The following GDF6 variants were observed in gnomAD, a reference collection of about 807,000 sequenced individuals.
GDF6 encodes the protein growth differentiation factor 6.
In GDF6, 3 loss-of-function variants were observed where a neutral mutation model predicts 32.4. The ratio of observed to expected loss-of-function variants is 0.09; its 90% CI spans 0.04 to 0.24. GDF6 has a LOEUF of 0.24. Among genes scored for constraint, GDF6 ranks in the 10% least tolerant of loss-of-function variants. The probability of loss-of-function intolerance (pLI) is 1.00; values close to 1 mark genes in which losing one functional copy is unlikely to be tolerated. For synonymous variants in GDF6, 296 were observed against 295.3 expected (o/e 1.00, Z -0.03); for missense variants, 589 against 637.9 (o/e 0.92, Z 0.83).
At chr8:96,153,155 C>T (rs1318831896) in intron 1 of GDF6, among the ~76,000 whole-genome samples, 1 of 152,218 alleles carries the variant, frequency 6.6e-6, no homozygotes, top group Non-Finnish European at 1.5e-5. Flanking sequence ...GAGTGCTGCT[C>T]ACCCTATCAG....
In GDF6 at chr8:96,145,430, C is replaced by G; in HGVS notation, c.501G>C (p.Arg167=). The G allele has an allele frequency of 6.3e-7, 1 of 1,593,712 alleles. No homozygotes were observed. The highest frequency in any genetic ancestry group is 1.7e-5 in the Admixed American group (1 of 59,376). Residue 167 remains arginine, a synonymous_variant, in exon 2 of 2, where the codon CGG becomes CGC. Coordinates refer to ENST00000287020, the MANE Select transcript of GDF6 (RefSeq NM_001001557.4). This position sits in a 1 kb window ranked among gnomAD's most constrained non-coding sequence, Gnocchi z 5.6. ...GCGCTGAGGGCGCCTGGCGAAAGAG[C>G]CGCAGCTCCGCGCCCACCAGCTCTT... ...DKEELVGAEL[R]LFRQAPSAPW... is the part of the protein sequence containing the mutation.
In GDF6 at chr8:96,145,663, G is replaced by A; in HGVS notation, c.407-139C>T. ...GTCCAGCTTGCCCGGCCCAGGGCCT[G>A]ACCACCCCGGCTCCCCATCTGGCTG... On this transcript the variant is annotated intron_variant, in intron 1 of 1. Transcript: ENST00000287020. The surrounding 1 kb of genome is among the most constrained non-coding windows in gnomAD (Gnocchi z 5.6). 2 of 978,706 alleles carry A rather than the reference G, an allele frequency of 2.0e-6. No homozygotes were observed. Among genetic ancestry groups the A allele is most frequent in the South Asian group, 2.9e-5 (2 of 69,584 alleles). 60.6% of individuals were successfully genotyped at this position (978,706 alleles called of 1,614,324 possible). A position where few individuals can be genotyped will look rare whatever the true frequency, so the allele number is the denominator to read the frequency against.
chr8:96,160,209 T>C, intron 1 of GDF6, 78 bp downstream of exon 1: 1 of 1,404,166 alleles, frequency 7.1e-7, no homozygotes, highest in Non-Finnish European at 1.0e-6. Context: ...AATTCACAAA[T>C]GTAGCCTCCA....
intron 1 of GDF6, among the ~76,000 whole-genome samples, chr8:96,152,979 G>C (rs749822272): frequency 1.2e-4 from 19 of 152,200 alleles, no homozygotes; most frequent in Non-Finnish European, 2.5e-4. Flanking sequence ...AAATGAATGA[G>C]AGTGGAGAGA....
rs1290049959 is a variant in GDF6, at chr8:96,145,376, G to A, written c.555C>T (p.His185=). The change falls in exon 2 of 2, where the codon CAC becomes CAT. Residue 185 remains histidine (H), a synonymous_variant. Transcript: ENST00000287020. This position sits in a 1 kb window ranked among gnomAD's most constrained non-coding sequence, Gnocchi z 5.6. ...APWGPPAGPL[H]VQLFPCLSPL... ...GCGAAAGGCAAGGGAAGAGCTGCAC[G>A]TGGAGCGGCCCGGCTGGTGGCCCCC... 2 of 1,568,770 alleles carry A rather than the reference G, an allele frequency of 1.3e-6. No individual in the cohort carries two copies. The highest frequency in any genetic ancestry group is 1.8e-5 in the Admixed American group (1 of 55,044).
chr8:96,160,473 C>T lies in GDF6; in HGVS notation c.220G>A (p.Glu74Lys), dbSNP rs1423852021. The T allele has an allele frequency of 6.2e-7, 1 of 1,612,696 alleles. No individual in the cohort carries two copies. Among genetic ancestry groups the T allele is most frequent in the Non-Finnish European group, 8.5e-7 (1 of 1,179,262 alleles). ...GQEPQPRPQD[E>K]PRAQQPRAQE... ...GCCCGGGGCTGCTGAGCCCGGGGTT[C>T]GTCCTGAGGCCGCGGCTGTGGTTCC... The change falls in exon 1 of 2, where the codon GAA becomes AAA. Residue 74 changes from glutamate to lysine, a missense_variant. Glu to Lys is a moderately conservative substitution (Grantham distance 56). This residue lies in a region of GDF6 where 436 missense variants were observed against 411.2 expected (regional missense o/e 1.06). Coordinates refer to ENST00000287020, the MANE Select transcript of GDF6 (RefSeq NM_001001557.4).
chr8:96,156,377 CCTCTCTCTCTCTCT>C (rs10569146), intron 1 of GDF6, among the ~76,000 whole-genome samples: 7 of 140,874 alleles, frequency 5.0e-5, no homozygotes, highest in South Asian at 2.4e-4. Flanking sequence ...TCTCTCTTTC[CCTCTCTCTCTCTCT>C]CTCTCTCTCT....
At chr8:96,150,396 C>T (rs753217912) in intron 1 of GDF6, among the ~76,000 whole-genome samples, 8 of 152,234 alleles carry the variant, frequency 5.3e-5, no homozygotes, top group Admixed American at 1.3e-4. Context: ...GAGAATCACC[C>T]ATCTTTGCAA....
At position 96,144,256 on chromosome 8, in the gene GDF6, G is replaced by GAGAGAGACAGAC. The variant is rs1812421424; in HGVS notation, c.*306_*307insGTCTGTCTCTCT. On this transcript the variant is annotated 3_prime_UTR_variant, in exon 2 of 2. Transcript: ENST00000287020. The surrounding 1 kb of genome is among the most constrained non-coding windows in gnomAD (Gnocchi z 5.1). ...AAAGCCACAGTAATAGAGAGAGAGA[G>GAGAGAGACAGAC]AGAGAGAGAGAGAGAGAGAGAGAGA... 1 of 384,942 alleles carries GAGAGAGACAGAC rather than the reference G, an allele frequency of 2.6e-6. No homozygotes were observed. Among genetic ancestry groups the GAGAGAGACAGAC allele is most frequent in the African/African-American group, 2.4e-5 (1 of 41,314 alleles). 23.8% of individuals were successfully genotyped at this position (384,942 alleles called of 1,614,324 possible).
chr8:96,151,067 T>C (rs1812560593), intron 1 of GDF6, among the ~76,000 whole-genome samples: 1 of 152,214 alleles, frequency 6.6e-6, no homozygotes, highest in African/African-American at 2.4e-5. Flanking sequence ...GCCAACTATG[T>C]ACCCTCTTCC....
In GDF6 at chr8:96,145,453, C is replaced by T. The variant is rs1272840115; in HGVS notation, c.478G>A (p.Glu160Lys). 1.3e-6 allele frequency: 2 copies of T among 1,597,476 alleles called. No individual in the cohort carries two copies. The highest frequency in any genetic ancestry group is 2.7e-5 in the African/African-American group (2 of 74,926). Residue 160 changes from glutamate to lysine, a missense_variant, in exon 2 of 2, where the codon GAG becomes AAG. By Grantham distance (56) the Glu-to-Lys change is moderately conservative. Coordinates refer to ENST00000287020, the MANE Select transcript of GDF6 (RefSeq NM_001001557.4). This position sits in a 1 kb window ranked among gnomAD's most constrained non-coding sequence, Gnocchi z 5.6. ...AGCCGCAGCTCCGCGCCCACCAGCT[C>T]TTCTTTGTCTGAGAGCATGGACACA... ...FDVSMLSDKE[E>K]LVGAELRLFR... is the part of the protein sequence containing the mutation.
chr8:96,150,506 A>G (rs1351585838), intron 1 of GDF6, among the ~76,000 whole-genome samples: 3 of 152,234 alleles, frequency 2.0e-5, no homozygotes, highest in Non-Finnish European at 1.5e-5. Context: ...ACGTGCTCAG[A>G]GCTTTGATGG....
Position 96,146,707 on chromosome 8 carries a change from C to CACACACAGAGAGAGAGAGAGAGAG in GDF6, c.407-1184_407-1183insCTCTCTCTCTCTCTCTCTGTGTGT, listed in dbSNP as rs367654279. On this transcript the variant is annotated intron_variant, in intron 1 of 1. Transcript: ENST00000287020. ...ACACACACACACACACACACACACA[C>CACACACAGAGAGAGAGAGAGAGAG]AGAGAGAGAGAGAGAGAGATAGAGA... Among the ~76,000 whole-genome samples, 44 of 140,018 alleles carry CACACACAGAGAGAGAGAGAGAGAG rather than the reference C, an allele frequency of 3.1e-4. 1 individual carries two copies. The highest frequency in any genetic ancestry group is 1.2e-3 in the African/African-American group (43 of 35,176). The allele number at this position is 140,018 out of a possible 152,430, so 91.9% of individuals were successfully genotyped here. A position where few individuals can be genotyped will look rare whatever the true frequency, so the allele number is the denominator to read the frequency against.
chr8:96,150,370 C>T (rs1426603025), intron 1 of GDF6, among the ~76,000 whole-genome samples: 1 of 152,242 alleles, frequency 6.6e-6, no homozygotes, highest in Non-Finnish European at 1.5e-5. Context: ...TTTCCCATCC[C>T]CAATCCCCAG....
intron 1 of GDF6, among the ~76,000 whole-genome samples, chr8:96,149,871 GC>G (rs138154151): frequency 0.046 from 6,939 of 152,192 alleles, 515 homozygotes; most frequent in African/African-American, 0.16. Flanking sequence ...GGGAACCTGA[GC>G]CCCAAGAGGG....
Position 96,144,554 on chromosome 8 carries a change from A to C in GDF6, c.*9T>G. The C allele has an allele frequency of 6.2e-7, 1 of 1,613,260 alleles. No homozygotes were observed. Among genetic ancestry groups the C allele is most frequent in the Non-Finnish European group, 8.5e-7 (1 of 1,179,734 alleles). On this transcript the variant is annotated 3_prime_UTR_variant, in exon 2 of 2. Coordinates refer to ENST00000287020, the MANE Select transcript of GDF6 (RefSeq NM_001001557.4). The surrounding 1 kb of genome is among the most constrained non-coding windows in gnomAD (Gnocchi z 5.1). ...TTGGTTCCGGGCCAAGGCGGCGGGA[A>C]AGGCACCGCTACCTGCAGCCGCACG... is the stretch of plus-strand genomic sequence containing the variant.
chr8:96,153,880 C>T (rs1326602268), intron 1 of GDF6, among the ~76,000 whole-genome samples: 1 of 152,102 alleles, frequency 6.6e-6, no homozygotes, highest in African/African-American at 2.4e-5. Context: ...GGGAGAGCCG[C>T]AATCTCTGTC....
At position 96,143,889 on chromosome 8, in the gene GDF6, G is replaced by A. The variant is rs1812412273; in HGVS notation, c.*674C>T. 6.5e-6 allele frequency: 1 copy of A among 153,926 alleles called. No individual in the cohort carries two copies. Among genetic ancestry groups the A allele is most frequent in the South Asian group, 2.0e-4 (1 of 4,894 alleles). The allele number at this position is 153,926 out of a possible 1,614,324, so 9.5% of individuals were successfully genotyped here. A position where few individuals can be genotyped will look rare whatever the true frequency, so the allele number is the denominator to read the frequency against. On this transcript the variant is annotated 3_prime_UTR_variant, in exon 2 of 2. Coordinates refer to ENST00000287020, the MANE Select transcript of GDF6 (RefSeq NM_001001557.4). ...AGGGCAGAGCTGGTAAACTCACAGA[G>A]TACACAAATGGGTGAGAGGGGCACC...
chr8:96,149,304 T>A (rs1812531623), intron 1 of GDF6, among the ~76,000 whole-genome samples: 1 of 152,234 alleles, frequency 6.6e-6, no homozygotes, highest in African/African-American at 2.4e-5. Context: ...TTTATTTCCC[T>A]TTTACTTTGC....
Sources: allele counts gnomAD v4.1 joint callset (sites outside exome capture counted in the v4.1 genomes callset), GRCh38; gene constraint gnomAD v4.1.1; regional missense constraint gnomAD v4.1.1; non-coding constraint Gnocchi (gnomAD v3.1); transcripts MANE v1.5; gene names NCBI Gene and HGNC (gene_info 2026-07-23, HGNC 2026-07-21).